The following CTNND2 variants were observed in gnomAD, a reference collection of about 807,000 sequenced individuals.
CTNND2 encodes catenin delta-2.
A neutral mutation model predicts 144.4 loss-of-function variants in CTNND2; 22 were observed. That is an observed-to-expected ratio of 0.15 (90% CI 0.11 to 0.22). The LOEUF (loss-of-function observed/expected upper bound fraction) is 0.22, where lower values mean the gene tolerates loss of function less well. Among genes scored for constraint, CTNND2 ranks in the 10% least tolerant of loss-of-function variants. The pLI is 1.00. For missense variants in CTNND2, 1,353 were observed against 1,618.8 expected (o/e 0.84, Z 2.82); for synonymous variants, 751 against 695.6 (o/e 1.08, Z -1.25).
chr5:11,536,407 G>A (rs1055460535), intron 3 of CTNND2, among the ~76,000 whole-genome samples: 4 of 152,014 alleles, frequency 2.6e-5, no homozygotes, highest in East Asian at 3.9e-4. Flanking sequence ...GTTATTGTAC[G>A]AAAAAGATAC....
chr5:11,469,298 A>G (rs142254959), intron 3 of CTNND2, among the ~76,000 whole-genome samples: 520 of 152,264 alleles, frequency 3.4e-3, no homozygotes, highest in African/African-American at 0.012. Context: ...TTGCATGCAG[A>G]TTGTAATTTA....
In CTNND2 at chr5:11,582,988, G is replaced by A. The variant is rs140627505; in HGVS notation, c.175-17932C>T. On this transcript the variant is annotated intron_variant, in intron 2 of 21. Coordinates refer to ENST00000304623, the MANE Select transcript of CTNND2 (RefSeq NM_001332.4). The stretch of plus-strand genomic sequence containing the variant: ...AATTTTGGATCTCATGAAAACTCAC[G>A]TTTTCTCAAAGTTTCTCAAAGACAT... 2.8e-4 allele frequency among the ~76,000 whole-genome samples: 42 copies of A among 152,266 alleles called. No homozygotes were observed. In the South Asian group the frequency reaches 4.8e-3, roughly 17 times the overall value.
chr5:11,220,812 T>C (rs1739714006), intron 10 of CTNND2, among the ~76,000 whole-genome samples: 2 of 152,186 alleles, frequency 1.3e-5, no homozygotes, highest in African/African-American at 4.8e-5. Flanking sequence ...AATCTCCTAA[T>C]ATATCACACC....
chr5:11,456,178 C>T (rs1049974050), intron 3 of CTNND2, among the ~76,000 whole-genome samples: 1 of 152,098 alleles, frequency 6.6e-6, no homozygotes. Context: ...ATCATCTGGG[C>T]AATAGATTGT....
intron 12 of CTNND2, among the ~76,000 whole-genome samples, chr5:11,155,360 A>G (rs1221276825): frequency 2.0e-5 from 3 of 152,234 alleles, no homozygotes; most frequent in African/African-American, 4.8e-5. Context: ...AAAACAGAGA[A>G]GACTAACAAA....
intron 2 of CTNND2, among the ~76,000 whole-genome samples, chr5:11,720,905 C>T (rs1011104964): frequency 1.3e-5 from 2 of 152,034 alleles, no homozygotes; most frequent in Non-Finnish European, 2.9e-5. Flanking sequence ...AACAGCCTGG[C>T]GGTTCTTCAG....
chr5:11,436,113 C>G (rs1763749959), intron 3 of CTNND2, among the ~76,000 whole-genome samples: 1 of 151,950 alleles, frequency 6.6e-6, no homozygotes, highest in Non-Finnish European at 1.5e-5. Flanking sequence ...GGGGCTGGCA[C>G]AGTGGGAGAA....
chr5:11,356,761 A>G (rs567914261), intron 8 of CTNND2, among the ~76,000 whole-genome samples: 1 of 151,990 alleles, frequency 6.6e-6, no homozygotes. Context: ...ATGCGAGAAG[A>G]TATTTAAAAA....
At chr5:11,750,255 A>G (rs143619990) in intron 1 of CTNND2, among the ~76,000 whole-genome samples, 12 of 152,044 alleles carry the variant, frequency 7.9e-5, no homozygotes, top group African/African-American at 2.6e-4. Flanking sequence ...AATTGAGTAC[A>G]AGCATTTAAG....
intron 1 of CTNND2, among the ~76,000 whole-genome samples, chr5:11,865,866 A>G (rs916894574): frequency 7.9e-6 from 1 of 126,868 alleles, no homozygotes; most frequent in Admixed American, 9.5e-5. Context: ...CCACAAGCCA[A>G]GGAATGTGGG....
At position 11,185,780 on chromosome 5, in the gene CTNND2, C is replaced by T. The variant is rs1735566759; in HGVS notation, c.1975+13668G>A. On this transcript the variant is annotated intron_variant, in intron 11 of 21. Transcript: ENST00000304623. ...GTTGGAAAGGAAACCAGGTGTTGGG[C>T]AAGGGATGTAGACGTTATATAATTT... Among the ~76,000 whole-genome samples the T allele has an allele frequency of 3.3e-5, 5 of 152,274 alleles. No homozygotes were observed. The South Asian group carries it at 1.0e-3, about 32-fold the overall frequency.
At position 11,069,915 on chromosome 5, in the gene CTNND2, A is replaced by G. The variant is rs112619311; in HGVS notation, c.2788+12781T>C. Among the ~76,000 whole-genome samples, 169 of 152,340 alleles carry G rather than the reference A, an allele frequency of 1.1e-3. 1 individual carries two copies. Among genetic ancestry groups the G allele is most frequent in the African/African-American group, 3.0e-3 (124 of 41,578 alleles). On this transcript the variant is annotated intron_variant, in intron 16 of 21. Transcript: ENST00000304623. ...GGCTGCAGCTGGGCTGAATTTAACT[A>G]AAGCCCAGATATAGTTAAAGCATGC...
chr5:11,471,571 T>G (rs1767241103), intron 3 of CTNND2, among the ~76,000 whole-genome samples: 1 of 152,226 alleles, frequency 6.6e-6, no homozygotes. Context: ...CAACAGTAAA[T>G]GCTAAACAAA....
In CTNND2 at chr5:11,838,042, T is replaced by C. The variant is rs139974526; in HGVS notation, c.37+65775A>G. ...GAATTGGATTCTCTGACTCCAGTCTTGTGCTCTGCCAGGACAATCAATTTT... is the reference window on the plus strand; with the variant it reads ...GAATTGGATTCTCTGACTCCAGTCTCGTGCTCTGCCAGGACAATCAATTTT... On this transcript the variant is annotated intron_variant, in intron 1 of 21. Coordinates refer to ENST00000304623, the MANE Select transcript of CTNND2 (RefSeq NM_001332.4). 2.9e-3 allele frequency among the ~76,000 whole-genome samples: 448 copies of C among 152,304 alleles called. 2 individuals are homozygous for C. Among genetic ancestry groups the C allele is most frequent in the African/African-American group, 0.01 (430 of 41,576 alleles).
At chr5:11,329,051 G>T (rs1317166226) in intron 9 of CTNND2, among the ~76,000 whole-genome samples, 1 of 152,140 alleles carries the variant, frequency 6.6e-6, no homozygotes, top group Non-Finnish European at 1.5e-5. Flanking sequence ...TCCTCATGAG[G>T]TCTTTCTGTA....
chr5:11,740,412 C>T (rs191737942), intron 1 of CTNND2, among the ~76,000 whole-genome samples: 15 of 152,216 alleles, frequency 9.9e-5, no homozygotes, highest in African/African-American at 3.6e-4. Flanking sequence ...TGATCTTTGA[C>T]AAACCTGACA....
At chr5:11,676,005 C>A (rs531451020) in intron 2 of CTNND2, among the ~76,000 whole-genome samples, 1 of 151,938 alleles carries the variant, frequency 6.6e-6, no homozygotes, top group African/African-American at 2.4e-5. Flanking sequence ...GGACAGACTG[C>A]CTCCTCAAGT....
At chr5:11,367,442 T>C (rs1352119061) in intron 7 of CTNND2, among the ~76,000 whole-genome samples, 2 of 152,224 alleles carry the variant, frequency 1.3e-5, no homozygotes, top group Admixed American at 1.3e-4. Context: ...TCACACAATG[T>C]TTTCTGGGAA....
intron 1 of CTNND2, among the ~76,000 whole-genome samples, chr5:11,787,800 T>C (rs1467921192): frequency 6.6e-6 from 1 of 152,188 alleles, no homozygotes; most frequent in Non-Finnish European, 1.5e-5. Flanking sequence ...AAAGATAAAA[T>C]AGAGTTGCAT....
Sources: allele counts gnomAD v4.1 joint callset (sites outside exome capture counted in the v4.1 genomes callset), GRCh38; gene constraint gnomAD v4.1.1; transcripts MANE v1.5; gene names NCBI Gene and HGNC (gene_info 2026-07-23, HGNC 2026-07-21).